The following PPARA variants were observed in gnomAD, a reference collection of about 807,000 sequenced individuals.
PPARA encodes the protein peroxisome proliferator activated receptor alpha, also known as peroxisome proliferator-activated receptor alpha.
Under a neutral mutation model 42.2 loss-of-function variants are expected in PPARA, and 22 were observed. The observed-to-expected ratio is 0.52, with a 90% CI of 0.37 to 0.74. PPARA has a LOEUF of 0.74. Among genes scored for constraint, PPARA ranks in the 30% least tolerant of loss-of-function variants. PPARA has a pLI of 0.00. For missense variants in PPARA, 465 were observed against 608.2 expected (o/e 0.76, Z 2.48); for synonymous variants, 242 against 239.3 (o/e 1.01, Z -0.10).
chr22:46,171,088 G>C lies in PPARA; in HGVS notation c.-126-5665G>C, dbSNP rs1336005232. Among the ~76,000 whole-genome samples the C allele has an allele frequency of 6.6e-6, 1 of 152,004 alleles. No individual in the cohort carries two copies. Among genetic ancestry groups the C allele is most frequent in the Non-Finnish European group, 1.5e-5 (1 of 67,994 alleles). ...AGGCAGGAGAATTGCTTGAGCCCAG[G>C]AGGCAGAGATCGCAGTGAGCCAAGA... On this transcript the variant is annotated intron_variant, in intron 2 of 8. Transcript: ENST00000407236. This position sits in a 1 kb window ranked among gnomAD's most constrained non-coding sequence, Gnocchi z 5.0.
chr22:46,185,964 T>TATATATACACAC (rs1207976543), intron 3 of PPARA, among the ~76,000 whole-genome samples: 2 of 25,926 alleles, frequency 7.7e-5, no homozygotes, highest in African/African-American at 2.2e-4. Context: ...TATATATATA[T>TATATATACACAC]ACACACACAC....
intron 7 of PPARA, chr22:46,220,266 C>T (rs920371609): frequency 3.8e-6 from 2 of 520,812 alleles, no homozygotes; most frequent in Non-Finnish European, 6.9e-6. Flanking sequence ...AATTAATACA[C>T]TTAAAAAAAA....
At position 46,182,555 on chromosome 22, in the gene PPARA, A is replaced by AT. The variant is rs1425361729; in HGVS notation, c.-43+5719_-43+5720insT. On this transcript the variant is annotated intron_variant, in intron 3 of 8. Coordinates refer to ENST00000407236, the MANE Select transcript of PPARA (RefSeq NM_005036.6). The surrounding 1 kb of genome is among the most constrained non-coding windows in gnomAD (Gnocchi z 5.2). ...AGCAGACCAGTGACAGTGGGCATGGAGGGGCAAGAGGGAGAGATTAGATGG... is the reference window on the plus strand; with the variant it reads ...AGCAGACCAGTGACAGTGGGCATGGATGGGGCAAGAGGGAGAGATTAGATGG... 6.6e-6 allele frequency among the ~76,000 whole-genome samples: 1 copy of AT among 152,174 alleles called. No individual in the cohort carries two copies. Among genetic ancestry groups the AT allele is most frequent in the Admixed American group, 6.6e-5 (1 of 15,266 alleles).
chr22:46,155,603 C>T (rs2147099920), intron 2 of PPARA: 1 of 152,384 alleles, frequency 6.6e-6, no homozygotes, highest in Middle Eastern at 3.4e-3. Flanking sequence ...GTGTGAGCCA[C>T]TGCGCCCAGC....
intron 4 of PPARA, among the ~76,000 whole-genome samples, chr22:46,206,468 A>G (rs1462040183): frequency 1.3e-5 from 2 of 152,170 alleles, no homozygotes; most frequent in African/African-American, 2.4e-5. Context: ...CTTATTATTT[A>G]TAACACCTTC....
intron 4 of PPARA, among the ~76,000 whole-genome samples, chr22:46,199,816 G>A (rs920329669): frequency 1.3e-5 from 2 of 152,046 alleles, no homozygotes; most frequent in Admixed American, 6.6e-5. Context: ...TCCATCTTCC[G>A]AGCTCAAGCA....
intron 3 of PPARA, among the ~76,000 whole-genome samples, chr22:46,185,948 TATATATATATATATATACAC>T (rs1930715265): frequency 1.8e-5 from 1 of 54,376 alleles, no homozygotes; most frequent in African/African-American, 6.5e-5. Context: ...TATATATATA[TATATATATATATATATACAC>T]ACACACTAAC....
chr22:46,174,582 C>T (rs971722584), intron 2 of PPARA, among the ~76,000 whole-genome samples: 5 of 151,994 alleles, frequency 3.3e-5, no homozygotes, highest in South Asian at 2.1e-4. Flanking sequence ...TTTGGGAAGC[C>T]GAGGTGGGAG....
chr22:46,232,805 G>A lies in PPARA; in HGVS notation c.1159+566G>A, dbSNP rs1169703747. 6.7e-6 allele frequency among the ~76,000 whole-genome samples: 1 copy of A among 148,568 alleles called. No individual in the cohort carries two copies. Among genetic ancestry groups the A allele is most frequent in the Non-Finnish European group, 1.5e-5 (1 of 67,442 alleles). ...AGCCTGGGCAACATGGCAAGACCCC[G>A]TCTCTACAAAAAAAAAAATAGAAAA... is the stretch of plus-strand genomic sequence containing the variant. On this transcript the variant is annotated intron_variant, in intron 8 of 8. Coordinates refer to ENST00000407236, the MANE Select transcript of PPARA (RefSeq NM_005036.6). The surrounding 1 kb of genome is among the most constrained non-coding windows in gnomAD (Gnocchi z 5.3).
rs1320818587 is a variant in PPARA at position 46,198,577 on chromosome 22, G to T, written c.194G>T (p.Gly65Val). The part of the protein sequence containing the change: ...QYLGSCPGSD[G>V]SVITDTLSPA... ...TTAGGAAGCTGTCCTGGCTCAGATG[G>T]CTCGGTCATCACGGGTAAGTGTGCC... Residue 65 changes from glycine (G) to valine (V), a missense_variant, in exon 4 of 9, where the codon GGC (glycine) becomes GTC (valine). Coordinates refer to ENST00000407236, the MANE Select transcript of PPARA (RefSeq NM_005036.6). The T allele has an allele frequency of 1.9e-6, 3 of 1,613,774 alleles. No individual in the cohort carries two copies. The South Asian group carries it at 3.3e-5, about 18-fold the overall frequency.
Position 46,224,422 on chromosome 22 carries a change from A to C in PPARA, c.711+4408A>C, listed in dbSNP as rs1021990920. 6.6e-6 allele frequency among the ~76,000 whole-genome samples: 1 copy of C among 152,204 alleles called. No individual in the cohort carries two copies. Among genetic ancestry groups the C allele is most frequent in the African/African-American group, 2.4e-5 (1 of 41,456 alleles). ...GAAGACCATAGCCTGTGTCCCTTAC[A>C]CATCTCAGAAAGCAACCCCATCTGT... is the stretch of plus-strand genomic sequence containing the variant. On this transcript the variant is annotated intron_variant, in intron 7 of 8. Coordinates refer to ENST00000407236, the MANE Select transcript of PPARA (RefSeq NM_005036.6). This position sits in a 1 kb window ranked among gnomAD's most constrained non-coding sequence, Gnocchi z 5.7.
At position 46,240,821 on chromosome 22, in the gene PPARA, C is replaced by A. The variant is rs1936352092; in HGVS notation, c.*5441C>A. On this transcript the variant is annotated 3_prime_UTR_variant, in exon 9 of 9. Coordinates refer to ENST00000407236, the MANE Select transcript of PPARA (RefSeq NM_005036.6). This position sits in a 1 kb window ranked among gnomAD's most constrained non-coding sequence, Gnocchi z 6.0. ...TAGCTGCACTGGAATTTCTTACCAACCAAATATTTGCATCGAGCAAAGGGG... is the reference window on the plus strand; with the variant it reads ...TAGCTGCACTGGAATTTCTTACCAAACAAATATTTGCATCGAGCAAAGGGG... 1 of 152,282 alleles carries A rather than the reference C, an allele frequency of 6.6e-6. No individual in the cohort carries two copies. Among genetic ancestry groups the A allele is most frequent in the African/African-American group, 2.4e-5 (1 of 41,460 alleles). 9.4% of individuals were successfully genotyped at this position (152,282 alleles called of 1,614,324 possible).
At chr22:46,202,208 G>C (rs1385184175) in intron 4 of PPARA, among the ~76,000 whole-genome samples, 2 of 152,098 alleles carry the variant, frequency 1.3e-5, no homozygotes, top group African/African-American at 2.4e-5. Context: ...GCTCTCTCCT[G>C]ACCCCTGGTC....
At chr22:46,213,581 C>CTT (rs371062401) in intron 4 of PPARA, among the ~76,000 whole-genome samples, 5 of 144,488 alleles carry the variant, frequency 3.5e-5, no homozygotes, top group African/African-American at 1.3e-4. Context: ...CTAACTTTTT[C>CTT]TTTTTTTTTT....
intron 3 of PPARA, among the ~76,000 whole-genome samples, chr22:46,186,657 G>A (rs918514518): frequency 2.0e-5 from 3 of 152,110 alleles, no homozygotes; most frequent in African/African-American, 2.4e-5. Flanking sequence ...AGGTTGCAGT[G>A]AGCCGAGATC....
At chr22:46,168,814 C>G (rs1228213436) in intron 2 of PPARA, among the ~76,000 whole-genome samples, 2 of 151,972 alleles carry the variant, frequency 1.3e-5, no homozygotes, top group Non-Finnish European at 2.9e-5. Flanking sequence ...AATAAGAACT[C>G]TCATACACTG....
chr22:46,154,676 T>G (rs1455845255), intron 2 of PPARA, among the ~76,000 whole-genome samples: 2 of 151,974 alleles, frequency 1.3e-5, no homozygotes, highest in Admixed American at 6.6e-5. Context: ...TTTATTTATT[T>G]ATTTATTTAT....
rs925990203 is a variant in PPARA at position 46,232,013 on chromosome 22, C to T, written c.933C>T (p.Tyr311=). 9 of 1,614,056 alleles carry T rather than the reference C, an allele frequency of 5.6e-6. No homozygotes were observed. The highest frequency in any genetic ancestry group is 5.9e-6 in the Non-Finnish European group (7 of 1,180,042). Residue 311 remains tyrosine (Y), a synonymous_variant, in exon 8 of 9, where the codon TAC becomes TAT. Transcript: ENST00000407236. The surrounding 1 kb of genome is among the most constrained non-coding windows in gnomAD (Gnocchi z 5.3). ...ACGATCAAGTGACATTGCTAAAATA[C>T]GGAGTTTATGAGGCCATATTCGCCA... The part of the protein sequence containing the change: ...DLNDQVTLLK[Y]GVYEAIFAML...
In PPARA at chr22:46,239,708, G is replaced by GCCACTTCCTCAGAGAGAC. The variant is rs2147743201; in HGVS notation, c.*4331_*4348dup. On this transcript the variant is annotated 3_prime_UTR_variant, in exon 9 of 9. Transcript: ENST00000407236. Reference sequence around the variant, plus strand: ...ACCTCTTCCTGCTGGCCACGAGGAAGCCACTTCCTCAGAGAGACCCTACCA... The same window carrying GCCACTTCCTCAGAGAGAC: ...ACCTCTTCCTGCTGGCCACGAGGAAGCCACTTCCTCAGAGAGACCCACTTCCTCAGAGAGACCCTACCA... The GCCACTTCCTCAGAGAGAC allele has an allele frequency of 7.5e-6, 1 of 134,110 alleles. No homozygotes were observed. The highest frequency in any genetic ancestry group is 2.2e-4 in the East Asian group (1 of 4,464). The allele number at this position is 134,110 out of a possible 1,614,324, so 8.3% of individuals were successfully genotyped here.
Sources: allele counts gnomAD v4.1 joint callset (sites outside exome capture counted in the v4.1 genomes callset), GRCh38; gene constraint gnomAD v4.1.1; non-coding constraint Gnocchi (gnomAD v3.1); transcripts MANE v1.5; gene names NCBI Gene and HGNC (gene_info 2026-07-23, HGNC 2026-07-21).